GALNT1: variants seen among roughly 807,000 people sequenced by gnomAD.
GALNT1 encodes polypeptide N-acetylgalactosaminyltransferase 1, also known as GalNAc transferase 1.
GALNT1 carries 17 observed loss-of-function variants against 65.7 expected under a neutral mutation model. The observed-to-expected ratio is 0.26, with a 90% CI of 0.18 to 0.39. The LOEUF (loss-of-function observed/expected upper bound fraction) is 0.39. GALNT1 is among the 10% of genes least tolerant of loss of function. GALNT1 has a pLI of 1.00. For synonymous variants in GALNT1, 210 were observed against 219.7 expected, an observed-to-expected ratio of 0.96 and a Z score of 0.39; for missense variants, 460 against 672.8, an observed-to-expected ratio of 0.68 and a Z score of 3.50.
chr18:35,619,437 A>G (rs1364699683), intron 1 of GALNT1, among the ~76,000 whole-genome samples: 1 of 152,176 alleles, frequency 6.6e-6, no homozygotes, highest in Non-Finnish European at 1.5e-5. Context: ...TAAGGGTACT[A>G]CTGTCCTTTG....
At position 35,676,306 on chromosome 18, in the gene GALNT1, GA is replaced by G. The variant is rs140712356; in HGVS notation, c.315-1284del. ...GTCTTGGGAATGGTGAAGAGGGAGA[GA>G]GGGGCTGCAGTGGAATATATCGAAG... On this transcript the variant is annotated intron_variant, in intron 3 of 11. Coordinates refer to ENST00000269195, the MANE Select transcript of GALNT1 (RefSeq NM_020474.4). 1.0e-2 allele frequency among the ~76,000 whole-genome samples: 1,515 copies of G among 152,258 alleles called. 26 individuals carry two copies. Among genetic ancestry groups the G allele is most frequent in the African/African-American group, 0.033 (1,353 of 41,538 alleles).
intron 1 of GALNT1, among the ~76,000 whole-genome samples, chr18:35,634,995 A>G (rs570251107): frequency 6.6e-6 from 1 of 152,336 alleles, no homozygotes; most frequent in South Asian, 2.1e-4. Flanking sequence ...ATATTATGGC[A>G]AACTAAATTA....
intron 1 of GALNT1, among the ~76,000 whole-genome samples, chr18:35,615,394 T>G (rs1334047467): frequency 7.0e-6 from 1 of 141,938 alleles, no homozygotes; most frequent in East Asian, 2.0e-4. Context: ...AAAAAATGGT[T>G]TTTACTAACA....
At chr18:35,696,446 G>A (rs977307144) in intron 9 of GALNT1, among the ~76,000 whole-genome samples, 11 of 152,222 alleles carry the variant, frequency 7.2e-5, no homozygotes, top group Admixed American at 7.2e-4. Flanking sequence ...GCTGACGTTC[G>A]TAGTTCCTGT....
At chr18:35,694,262 G>T (rs912520550) in intron 9 of GALNT1, among the ~76,000 whole-genome samples, 12 of 152,192 alleles carry the variant, frequency 7.9e-5, no homozygotes, top group African/African-American at 2.7e-4. Context: ...AAGATAAATA[G>T]GTGGTAGCTG....
At position 35,654,802 on chromosome 18, in the gene GALNT1, G is replaced by T; in HGVS notation, c.139+1G>T. On this transcript the variant is annotated splice_donor_variant, in intron 2 of 11. Transcript: ENST00000269195. LOFTEE classifies it high-confidence loss of function. Reference sequence around the variant, plus strand: ...GAGAGAGGACTTCCTGCTGGAGATGGTGAGTGACATTTTATAATAGAGCTG... The same window carrying T: ...GAGAGAGGACTTCCTGCTGGAGATGTTGAGTGACATTTTATAATAGAGCTG... 1 of 1,546,316 alleles carries T rather than the reference G, an allele frequency of 6.5e-7. No homozygotes were observed. Among genetic ancestry groups the T allele is most frequent in the Non-Finnish European group, 8.7e-7 (1 of 1,143,186 alleles).
intron 9 of GALNT1, among the ~76,000 whole-genome samples, chr18:35,695,817 A>C (rs780594737): frequency 6.7e-4 from 102 of 152,336 alleles, no homozygotes; most frequent in Non-Finnish European, 1.3e-3. Flanking sequence ...AAGAAGGCCC[A>C]GGGTGAGTGG....
chr18:35,703,023 G>A (rs752670038), intron 10 of GALNT1, 28 bp downstream of exon 10: 1 of 1,325,336 alleles, frequency 7.5e-7, no homozygotes, highest in Non-Finnish European at 1.0e-6. Context: ...CTCTTAAAAG[G>A]GATAATTTTC....
At chr18:35,589,322 C>G (rs1462400952) in intron 1 of GALNT1, among the ~76,000 whole-genome samples, 1 of 152,072 alleles carries the variant, frequency 6.6e-6, no homozygotes, top group African/African-American at 2.4e-5. Flanking sequence ...AAGTGGGTGC[C>G]TTATTATAAC....
intron 3 of GALNT1, among the ~76,000 whole-genome samples, chr18:35,676,107 A>G (rs1192078212): frequency 1.3e-5 from 2 of 152,102 alleles, no homozygotes; most frequent in Admixed American, 1.3e-4. Context: ...TTTAGCCTAG[A>G]CTTAGGAGGA....
At chr18:35,630,687 A>C (rs1414059035) in intron 1 of GALNT1, among the ~76,000 whole-genome samples, 2 of 152,242 alleles carry the variant, frequency 1.3e-5, no homozygotes. Flanking sequence ...AGCAGGAGGC[A>C]AGAAATAACT....
intron 2 of GALNT1, among the ~76,000 whole-genome samples, chr18:35,661,226 C>T (rs915826414): frequency 1.3e-5 from 2 of 152,044 alleles, no homozygotes; most frequent in African/African-American, 2.4e-5. Flanking sequence ...TGGCTGGGAG[C>T]GGTGGCTCAC....
chr18:35,648,983 T>C (rs543389593), intron 1 of GALNT1, among the ~76,000 whole-genome samples: 4 of 152,238 alleles, frequency 2.6e-5, no homozygotes, highest in Admixed American at 2.6e-4. Flanking sequence ...TGTTTATCCA[T>C]TCATCAGATG....
intron 3 of GALNT1, among the ~76,000 whole-genome samples, chr18:35,675,344 T>C (rs2047695953): frequency 6.6e-6 from 1 of 152,212 alleles, no homozygotes; most frequent in Non-Finnish European, 1.5e-5. Context: ...TTTGAGAGAA[T>C]ATTAATTTAT....
intron 2 of GALNT1, among the ~76,000 whole-genome samples, chr18:35,663,240 G>A (rs2047501804): frequency 6.6e-6 from 1 of 152,196 alleles, no homozygotes; most frequent in South Asian, 2.1e-4. Context: ...AGTACTGTGG[G>A]ATGGGAGGAA....
intron 5 of GALNT1, among the ~76,000 whole-genome samples, chr18:35,686,229 G>C (rs941072283): frequency 2.0e-5 from 3 of 152,122 alleles, no homozygotes; most frequent in African/African-American, 7.3e-5. Flanking sequence ...AAAATCTTGA[G>C]AGAGAAATGG....
intron 1 of GALNT1, among the ~76,000 whole-genome samples, chr18:35,642,665 T>C (rs2047179802): frequency 6.6e-6 from 1 of 152,192 alleles, no homozygotes; most frequent in Admixed American, 6.5e-5. Flanking sequence ...TTTCAAATAG[T>C]ATAGTCTGTC....
At chr18:35,703,789 A>G (rs2048208074) in intron 11 of GALNT1, 146 bp downstream of exon 11, 1 of 758,348 alleles carries the variant, frequency 1.3e-6, no homozygotes, top group African/African-American at 1.8e-5. Flanking sequence ...GGCGGGAAAA[A>G]TAAGTAAAAT....
At chr18:35,603,207 G>A (rs1053333518) in intron 1 of GALNT1, among the ~76,000 whole-genome samples, 1 of 152,186 alleles carries the variant, frequency 6.6e-6, no homozygotes, top group African/African-American at 2.4e-5. Context: ...ACCCAAGCTG[G>A]TGGGGAAGCT....
Sources: gnomAD v4.1 joint callset for allele counts (sites outside exome capture counted in the v4.1 genomes callset) on GRCh38, gnomAD v4.1.1 for gene constraint, MANE v1.5 for transcripts, NCBI Gene and HGNC (gene_info 2026-07-23, HGNC 2026-07-21) for gene names.